The following GUCY1A2 variants were observed in gnomAD, a reference collection of about 807,000 sequenced individuals.
The protein encoded by GUCY1A2 is guanylate cyclase soluble subunit alpha-2.
In GUCY1A2, 27 loss-of-function variants were observed where a neutral mutation model predicts 63.5. The ratio of observed to expected loss-of-function variants is 0.43; its 90% CI spans 0.31 to 0.59. The LOEUF (loss-of-function observed/expected upper bound fraction) is 0.59. Ranked by LOEUF, GUCY1A2 falls within the 20% of genes least tolerant of loss-of-function variation. The probability of loss-of-function intolerance (pLI) is 0.11; values close to 1 mark genes in which losing one functional copy is unlikely to be tolerated. For missense variants in GUCY1A2, 768 were observed against 913.3 expected, an observed-to-expected ratio of 0.84 and a Z score of 2.05; for synonymous variants, 364 against 343.5, an observed-to-expected ratio of 1.06 and a Z score of -0.66.
intron 4 of GUCY1A2, among the ~76,000 whole-genome samples, chr11:106,885,927 TCA>T (rs1232092219): frequency 6.6e-6 from 1 of 152,114 alleles, no homozygotes; most frequent in Non-Finnish European, 1.5e-5. Context: ...AAAAATATGC[TCA>T]CACACATATA....
At chr11:106,866,748 T>C (rs749069291) in intron 4 of GUCY1A2, among the ~76,000 whole-genome samples, 1 of 151,996 alleles carries the variant, frequency 6.6e-6, no homozygotes, top group Non-Finnish European at 1.5e-5. Context: ...CTGTGGTGTG[T>C]ACCTCAGTGT....
At chr11:106,944,953 C>G (rs1010529471) in intron 3 of GUCY1A2, among the ~76,000 whole-genome samples, 1 of 151,842 alleles carries the variant, frequency 6.6e-6, no homozygotes, top group Non-Finnish European at 1.5e-5. Context: ...GAGGAACAAC[C>G]TCTAAAAACA....
At chr11:106,926,712 G>A (rs975968665) in intron 4 of GUCY1A2, among the ~76,000 whole-genome samples, 3 of 151,778 alleles carry the variant, frequency 2.0e-5, no homozygotes, top group Admixed American at 6.6e-5. Flanking sequence ...CCCATAAACC[G>A]AGTATCGGCA....
At chr11:106,729,543 A>G (rs1488049442) in intron 6 of GUCY1A2, among the ~76,000 whole-genome samples, 2 of 152,102 alleles carry the variant, frequency 1.3e-5, no homozygotes, top group Non-Finnish European at 2.9e-5. Flanking sequence ...AGATACAGCC[A>G]TTTTGTGGAA....
At chr11:106,922,907 C>T (rs563577081) in intron 4 of GUCY1A2, among the ~76,000 whole-genome samples, 22 of 151,266 alleles carry the variant, frequency 1.5e-4, no homozygotes, top group South Asian at 8.4e-4. Context: ...ACAGTGGCAA[C>T]GAAAGAAGAT....
chr11:106,698,894 T>C (rs1268156823), intron 7 of GUCY1A2, among the ~76,000 whole-genome samples: 2 of 152,174 alleles, frequency 1.3e-5, no homozygotes, highest in Non-Finnish European at 2.9e-5. Context: ...TAGTGATTCT[T>C]AATATTTTCT....
At chr11:106,710,070 AATAT>A (rs1171730739) in intron 6 of GUCY1A2, among the ~76,000 whole-genome samples, 1 of 114,922 alleles carries the variant, frequency 8.7e-6, no homozygotes, top group African/African-American at 3.4e-5. Context: ...ACATGTATAT[AATAT>A]ATAGTTATAT....
At position 106,824,548 on chromosome 11, in the gene GUCY1A2, T is replaced by A. The variant is rs921737759; in HGVS notation, c.1207-14070A>T. ...GTTTTAAACCAAATACTATCAAGTC[T>A]GCAAAAGCATGTCAAGTCAAGTGCC... On this transcript the variant is annotated intron_variant, in intron 4 of 7. Transcript: ENST00000526355. Among the ~76,000 whole-genome samples, 97 of 152,146 alleles carry A rather than the reference T, an allele frequency of 6.4e-4. 1 individual carries two copies. The highest frequency in any genetic ancestry group is 2.0e-3 in the African/African-American group (85 of 41,536).
intron 6 of GUCY1A2, among the ~76,000 whole-genome samples, chr11:106,744,183 C>T (rs1863745355): frequency 6.6e-6 from 1 of 151,182 alleles, no homozygotes; most frequent in Admixed American, 6.6e-5. Flanking sequence ...ATATGAGAAA[C>T]TCTGTAAACT....
At chr11:106,909,355 C>CTGTG (rs59067320) in intron 4 of GUCY1A2, among the ~76,000 whole-genome samples, 5,217 of 119,934 alleles carry the variant, frequency 0.043, 426 homozygotes, top group African/African-American at 0.14. Flanking sequence ...TGGTACTCAT[C>CTGTG]TGTGTGTGTG....
chr11:107,006,186 C>T (rs1861669234), intron 1 of GUCY1A2, among the ~76,000 whole-genome samples: 1 of 152,118 alleles, frequency 6.6e-6, no homozygotes, highest in African/African-American at 2.4e-5. Context: ...TCCCAGAATG[C>T]AGAGAGTTAA....
intron 4 of GUCY1A2, among the ~76,000 whole-genome samples, chr11:106,889,165 C>T (rs1859941731): frequency 6.6e-6 from 1 of 152,088 alleles, no homozygotes; most frequent in Non-Finnish European, 1.5e-5. Context: ...ACAATATTCC[C>T]AAGGATAAAA....
chr11:106,889,034 T>C (rs1316417789), intron 4 of GUCY1A2, among the ~76,000 whole-genome samples: 2 of 152,124 alleles, frequency 1.3e-5, no homozygotes, highest in Admixed American at 6.5e-5. Context: ...TCCATTAGAT[T>C]AAAAAAATTA....
chr11:106,749,831 T>C (rs1863852765), intron 6 of GUCY1A2, among the ~76,000 whole-genome samples: 1 of 152,024 alleles, frequency 6.6e-6, no homozygotes, highest in African/African-American at 2.4e-5. Context: ...CAAGACCTTA[T>C]CTCAGATTCT....
At chr11:106,776,148 T>C (rs149787799) in intron 6 of GUCY1A2, among the ~76,000 whole-genome samples, 4 of 152,312 alleles carry the variant, frequency 2.6e-5, no homozygotes, top group Non-Finnish European at 5.9e-5. Flanking sequence ...TCATTCTTGC[T>C]TGGATTTCGT....
rs565005538 is a variant in GUCY1A2, at chr11:106,887,224, C to T, written c.1206+52236G>A. On this transcript the variant is annotated intron_variant, in intron 4 of 7. Transcript: ENST00000526355. ...TATTATAATCATCGAGTATATTAGT[C>T]ATCAGTTTTTCAAAACCTGCCACCA... is the stretch of plus-strand genomic sequence containing the variant. Among the ~76,000 whole-genome samples, 4 of 152,198 alleles carry T rather than the reference C, an allele frequency of 2.6e-5. No homozygotes were observed. In the East Asian group the frequency reaches 7.7e-4, roughly 29 times the overall value.
chr11:106,972,806 T>C (rs1368326279), intron 3 of GUCY1A2, among the ~76,000 whole-genome samples: 1 of 152,050 alleles, frequency 6.6e-6, no homozygotes, highest in Non-Finnish European at 1.5e-5. Context: ...ACATGTTAAA[T>C]GGAATATTTT....
At chr11:106,915,220 AACT>A (rs1860354535) in intron 4 of GUCY1A2, among the ~76,000 whole-genome samples, 1 of 152,158 alleles carries the variant, frequency 6.6e-6, no homozygotes, top group Non-Finnish European at 1.5e-5. Context: ...CCTTGTTCTT[AACT>A]GACTTGATAG....
At chr11:106,983,366 G>C (rs1861362381) in intron 2 of GUCY1A2, among the ~76,000 whole-genome samples, 1 of 152,198 alleles carries the variant, frequency 6.6e-6, no homozygotes, top group African/African-American at 2.4e-5. Flanking sequence ...AGTGGATAAA[G>C]TACAGAGAGG....
Sources: allele counts gnomAD v4.1 joint callset (sites outside exome capture counted in the v4.1 genomes callset), GRCh38; gene constraint gnomAD v4.1.1; transcripts MANE v1.5; gene names NCBI Gene and HGNC (gene_info 2026-07-23, HGNC 2026-07-21).